Variants in AUH observed in about 807,000 individuals in gnomAD.
AUH encodes AU RNA binding methylglutaconyl-CoA hydratase.
Under a neutral mutation model 42.3 loss-of-function variants are expected in AUH, and 29 were observed. The observed-to-expected ratio is 0.69, with a 90% confidence interval of 0.51 to 0.93. The LOEUF is 0.93. Among genes scored for constraint, AUH ranks in the 40% least tolerant of loss-of-function variants. The probability of loss-of-function intolerance (pLI) is 0.00; values close to 1 mark genes in which losing one functional copy is unlikely to be tolerated. For synonymous variants in AUH, 174 were observed against 166.4 expected (o/e 1.05, Z -0.35); for missense variants, 452 against 438.1 (o/e 1.03, Z -0.28).
At chr9:91,254,795 C>A (rs1000559803) in intron 6 of AUH, among the ~76,000 whole-genome samples, 4 of 152,284 alleles carry the variant, frequency 2.6e-5, no homozygotes, top group Non-Finnish European at 5.9e-5. Context: ...AACAAAAATC[C>A]TAAATGGCAG....
intron 6 of AUH, among the ~76,000 whole-genome samples, chr9:91,286,187 A>G (rs1232626506): frequency 6.6e-5 from 10 of 152,148 alleles, no homozygotes; most frequent in South Asian, 6.2e-4. Flanking sequence ...AAGGTTATAA[A>G]CAAAGCCTTT....
chr9:91,228,340 T>A (rs1827647917), intron 6 of AUH, among the ~76,000 whole-genome samples: 1 of 152,016 alleles, frequency 6.6e-6, no homozygotes, highest in African/African-American at 2.4e-5. Flanking sequence ...TTTATTTGCA[T>A]AGAGGTGTTT....
intron 3 of AUH, among the ~76,000 whole-genome samples, chr9:91,339,698 T>C (rs933207811): frequency 1.3e-5 from 2 of 152,196 alleles, no homozygotes; most frequent in East Asian, 1.9e-4. Context: ...TCCCCACTAA[T>C]AGGAACTAAG....
intron 6 of AUH, among the ~76,000 whole-genome samples, chr9:91,229,456 G>A (rs1490395653): frequency 6.0e-5 from 9 of 150,716 alleles, no homozygotes; most frequent in Non-Finnish European, 7.4e-5. Context: ...GTCTCTGCAC[G>A]TGAGATGGGC....
At chr9:91,249,920 G>A (rs1829030100) in intron 6 of AUH, among the ~76,000 whole-genome samples, 1 of 151,788 alleles carries the variant, frequency 6.6e-6, no homozygotes, top group Non-Finnish European at 1.5e-5. Flanking sequence ...GCTGAGGCAG[G>A]AGAATTGCTT....
At chr9:91,321,947 C>A (rs937982672) in intron 4 of AUH, among the ~76,000 whole-genome samples, 1 of 152,052 alleles carries the variant, frequency 6.6e-6, no homozygotes, top group Non-Finnish European at 1.5e-5. Flanking sequence ...ACTATATGAC[C>A]CTTCAAGATA....
intron 6 of AUH, among the ~76,000 whole-genome samples, chr9:91,288,908 C>T (rs1346626199): frequency 1.3e-5 from 2 of 152,130 alleles, no homozygotes; most frequent in East Asian, 3.8e-4. Flanking sequence ...TTTATAATAG[C>T]ATTTTTTTAA....
intron 3 of AUH, among the ~76,000 whole-genome samples, chr9:91,346,209 G>C (rs1831497018): frequency 6.6e-6 from 1 of 152,180 alleles, no homozygotes; most frequent in Admixed American, 6.5e-5. Flanking sequence ...GAAATATCAA[G>C]CCATGATCAG....
intron 6 of AUH, among the ~76,000 whole-genome samples, chr9:91,232,635 G>A (rs1827952999): frequency 6.6e-6 from 1 of 152,216 alleles, no homozygotes; most frequent in Admixed American, 6.5e-5. Flanking sequence ...TTCCAAAGCT[G>A]CATTACTATG....
intron 3 of AUH, among the ~76,000 whole-genome samples, chr9:91,352,211 G>A (rs189799825): frequency 3.3e-5 from 5 of 152,252 alleles, no homozygotes; most frequent in Admixed American, 2.0e-4. Context: ...GGAGGCGGAA[G>A]TTGCAGTGAG....
chr9:91,217,730 T>A (rs1676171153), intron 7 of AUH, among the ~76,000 whole-genome samples: 1 of 152,152 alleles, frequency 6.6e-6, no homozygotes, highest in Non-Finnish European at 1.5e-5. Flanking sequence ...CTGTTGCTAT[T>A]GATTAAGGTA....
chr9:91,253,895 A>G (rs1220899637), intron 6 of AUH, among the ~76,000 whole-genome samples: 1 of 152,266 alleles, frequency 6.6e-6, no homozygotes, highest in Admixed American at 6.5e-5. Context: ...GAAATAAAGC[A>G]CAATTTAAGG....
At chr9:91,343,682 A>G (rs1831273864) in intron 3 of AUH, among the ~76,000 whole-genome samples, 1 of 152,188 alleles carries the variant, frequency 6.6e-6, no homozygotes, top group Non-Finnish European at 1.5e-5. Context: ...CAGTGAGCTG[A>G]GATTACACTG....
intron 6 of AUH, among the ~76,000 whole-genome samples, chr9:91,224,118 C>T (rs1049844064): frequency 2.6e-5 from 4 of 152,142 alleles, no homozygotes; most frequent in African/African-American, 9.7e-5. Context: ...CAATACTTGT[C>T]GTGACAGTGA....
chr9:91,361,519 C>G (rs1248326435), intron 1 of AUH, 109 bp downstream of exon 1: 11 of 1,448,716 alleles, frequency 7.6e-6, no homozygotes, highest in African/African-American at 1.5e-5. Context: ...GTTCGGTGCG[C>G]CTGCCTGACC....
At chr9:91,343,609 C>CA (rs1831266217) in intron 3 of AUH, among the ~76,000 whole-genome samples, 1 of 152,120 alleles carries the variant, frequency 6.6e-6, no homozygotes, top group Non-Finnish European at 1.5e-5. Context: ...ACTAAAAATA[C>CA]AAAAATTAGC....
At chr9:91,351,185 G>T (rs1369406431) in intron 3 of AUH, among the ~76,000 whole-genome samples, 1 of 152,048 alleles carries the variant, frequency 6.6e-6, no homozygotes, top group East Asian at 1.9e-4. Flanking sequence ...TGCCCAGGCT[G>T]GTCTTGAACT....
intron 3 of AUH, among the ~76,000 whole-genome samples, chr9:91,335,072 C>T (rs1830600068): frequency 6.6e-6 from 1 of 152,138 alleles, no homozygotes; most frequent in African/African-American, 2.4e-5. Context: ...TCAGGGGTAC[C>T]CTAGCTTCAT....
At chr9:91,348,961 A>G (rs1007231911) in intron 3 of AUH, among the ~76,000 whole-genome samples, 38 of 152,344 alleles carry the variant, frequency 2.5e-4, no homozygotes, top group Non-Finnish European at 4.4e-4. Context: ...ACAAAACCCT[A>G]TATAGCTAAA....
Sources: gnomAD v4.1 joint callset for allele counts (sites outside exome capture counted in the v4.1 genomes callset) on GRCh38, gnomAD v4.1.1 for gene constraint, MANE v1.5 for transcripts, NCBI Gene and HGNC (gene_info 2026-07-23, HGNC 2026-07-21) for gene names.